The following CCDC3 variants were observed in gnomAD, a reference collection of about 807,000 sequenced individuals.
CCDC3 encodes coiled-coil domain-containing protein 3.
CCDC3 carries 24 observed loss-of-function variants against 21.4 expected under a neutral mutation model. The ratio of observed to expected loss-of-function variants is 1.12; its 90% confidence interval spans 0.81 to 1.58. CCDC3 has a LOEUF of 1.58. CCDC3 is among the 40% of genes most tolerant of loss of function. CCDC3 has a pLI of 0.00. For missense variants in CCDC3, 425 were observed against 360.9 expected, an observed-to-expected ratio of 1.18 and a Z score of -1.44; for synonymous variants, 186 against 166.0, an observed-to-expected ratio of 1.12 and a Z score of -0.93.
intron 2 of CCDC3, among the ~76,000 whole-genome samples, chr10:12,925,980 G>T (rs1164727648): frequency 6.6e-6 from 1 of 152,250 alleles, no homozygotes; most frequent in Non-Finnish European, 1.5e-5. Context: ...GGCAGAATTT[G>T]TAGGGGCAGT....
intron 2 of CCDC3, among the ~76,000 whole-genome samples, chr10:12,960,624 C>A (rs953802428): frequency 6.6e-6 from 1 of 152,160 alleles, no homozygotes; most frequent in East Asian, 1.9e-4. Context: ...TGACAAATTA[C>A]GCAGAAACAA....
chr10:12,976,797 T>C (rs1031542059), intron 2 of CCDC3, among the ~76,000 whole-genome samples: 2 of 147,156 alleles, frequency 1.4e-5, no homozygotes, highest in Admixed American at 6.9e-5. Flanking sequence ...CATTACACAT[T>C]TGTCTACACC....
intron 2 of CCDC3, among the ~76,000 whole-genome samples, chr10:12,950,679 C>T (rs1178461335): frequency 6.6e-6 from 1 of 152,186 alleles, no homozygotes; most frequent in Non-Finnish European, 1.5e-5. Flanking sequence ...ACACAGAAGG[C>T]AAATGCAAAC....
intron 4 of CCDC3, among the ~76,000 whole-genome samples, chr10:13,050,570 C>T (rs1180409214): frequency 1.3e-5 from 2 of 151,224 alleles, no homozygotes; most frequent in African/African-American, 2.4e-5. Context: ...AAGCAATCCT[C>T]CTGCCTCAGC....
intron 2 of CCDC3, among the ~76,000 whole-genome samples, chr10:12,948,390 G>A (rs936846465): frequency 6.6e-6 from 1 of 152,044 alleles, no homozygotes; most frequent in African/African-American, 2.4e-5. Context: ...GGATATGGAG[G>A]AGACCAGGGC....
chr10:13,045,053 T>C (rs1006695335), intron 5 of CCDC3, among the ~76,000 whole-genome samples: 2 of 152,194 alleles, frequency 1.3e-5, no homozygotes, highest in African/African-American at 2.4e-5. Context: ...AATTTAAACA[T>C]ACACGAACAA....
intron 5 of CCDC3, among the ~76,000 whole-genome samples, chr10:13,014,031 A>T (rs1836017531): frequency 6.6e-6 from 1 of 152,070 alleles, no homozygotes; most frequent in African/African-American, 2.4e-5. Context: ...CACACCTGTA[A>T]TCCCAGCTGC....
At chr10:13,043,332 C>A (rs1836485890) in intron 5 of CCDC3, among the ~76,000 whole-genome samples, 2 of 152,190 alleles carry the variant, frequency 1.3e-5, no homozygotes, top group Non-Finnish European at 2.9e-5. Context: ...TGGCTCACGC[C>A]TGTAATCCCA....
rs1446481939 is a variant in CCDC3 at position 13,058,658 on chromosome 10, C to G, written c.-269-8717G>C. ...CTCTTCAAGTTGGCCTTATTTTTAA[C>G]AACTTTAACAAACCCCACCCTGTGG... On this transcript the variant is annotated intron_variant, in intron 4 of 6. Transcript: ENST00000378839. The G allele has an allele frequency of 1.3e-5, 7 of 530,528 alleles. No homozygotes were observed. The Admixed American group carries it at 1.9e-4, about 15-fold the overall frequency. 32.9% of individuals were successfully genotyped at this position (530,528 alleles called of 1,614,324 possible).
rs533082112 is a variant in CCDC3, at chr10:13,051,540, CTA to C, written c.-269-1601_-269-1600del. 2.0e-3 allele frequency among the ~76,000 whole-genome samples: 303 copies of C among 152,312 alleles called. 2 individuals carry two copies. Among genetic ancestry groups the C allele is most frequent in the African/African-American group, 7.0e-3 (289 of 41,570 alleles). On this transcript the variant is annotated intron_variant, in intron 4 of 6. Transcript: ENST00000378839. ...GCAGGTATGATGGCAGCTGTCACTA[CTA>C]TTACTATTGTAACAGAAGAGTATAA...
At chr10:13,010,604 C>A (rs969738909) in intron 5 of CCDC3, among the ~76,000 whole-genome samples, 1 of 152,190 alleles carries the variant, frequency 6.6e-6, no homozygotes, top group African/African-American at 2.4e-5. Context: ...CATTCCACTC[C>A]TAGGGATATA....
intron 2 of CCDC3, among the ~76,000 whole-genome samples, chr10:12,927,410 T>G (rs1050013740): frequency 6.6e-6 from 1 of 152,222 alleles, no homozygotes; most frequent in African/African-American, 2.4e-5. Flanking sequence ...TAATACTCAG[T>G]ACAACTGCCT....
intron 2 of CCDC3, among the ~76,000 whole-genome samples, chr10:12,958,786 T>A (rs1835133326): frequency 6.6e-6 from 1 of 152,116 alleles, no homozygotes; most frequent in South Asian, 2.1e-4. Flanking sequence ...GGCAGGTTCA[T>A]CCTGTACCCC....
chr10:12,989,552 G>A (rs898280790), intron 2 of CCDC3, among the ~76,000 whole-genome samples: 1 of 152,112 alleles, frequency 6.6e-6, no homozygotes, highest in South Asian at 2.1e-4. Context: ...CTCCTGAGTA[G>A]CTGGGATTAC....
At chr10:12,978,194 T>C (rs939321752) in intron 2 of CCDC3, among the ~76,000 whole-genome samples, 12 of 152,042 alleles carry the variant, frequency 7.9e-5, no homozygotes, top group African/African-American at 2.9e-4. Context: ...AAGTTTTTTG[T>C]ATTTAGTAGA....
chr10:12,956,270 C>A (rs967284558), intron 2 of CCDC3, among the ~76,000 whole-genome samples: 2 of 152,222 alleles, frequency 1.3e-5, no homozygotes, highest in African/African-American at 4.8e-5. Flanking sequence ...TCAAAGTAGG[C>A]TGGACTGTCC....
intron 2 of CCDC3, among the ~76,000 whole-genome samples, chr10:12,934,751 AG>A (rs1834708189): frequency 6.6e-6 from 1 of 152,090 alleles, no homozygotes; most frequent in African/African-American, 2.4e-5. Flanking sequence ...AAATTAATAT[AG>A]CTACTCCTGT....
chr10:12,991,282 C>T (rs1381404852), intron 2 of CCDC3, among the ~76,000 whole-genome samples: 2 of 151,956 alleles, frequency 1.3e-5, no homozygotes, highest in African/African-American at 2.4e-5. Flanking sequence ...GCTATATATT[C>T]CACCAAAGCT....
chr10:13,039,576 A>G (rs1836422742), intron 5 of CCDC3, among the ~76,000 whole-genome samples: 1 of 152,232 alleles, frequency 6.6e-6, no homozygotes, highest in South Asian at 2.1e-4. Context: ...AAAGCATTTC[A>G]CAGATACTGG....
Sources: gnomAD v4.1 joint callset for allele counts (sites outside exome capture counted in the v4.1 genomes callset) on GRCh38, gnomAD v4.1.1 for gene constraint, MANE v1.5 for transcripts, NCBI Gene and HGNC (gene_info 2026-07-23, HGNC 2026-07-21) for gene names.